The following TTC7B variants were observed in gnomAD, a reference collection of about 807,000 sequenced individuals.
The protein encoded by TTC7B is tetratricopeptide repeat domain 7B, also known as tetratricopeptide repeat protein 7B.
TTC7B carries 28 observed loss-of-function variants against 106.8 expected under a neutral mutation model. The observed-to-expected ratio is 0.26, with a 90% CI of 0.19 to 0.36. TTC7B has a LOEUF of 0.36. Ranked by LOEUF, TTC7B falls within the 10% of genes least tolerant of loss-of-function variation. The pLI is 1.00. For synonymous variants in TTC7B, 405 were observed against 430.6 expected (o/e 0.94, Z 0.74); for missense variants, 862 against 1,076.4 (o/e 0.80, Z 2.79).
rs147682702 is a variant in TTC7B, at chr14:90,755,859, G to C, written c.446-10937C>G. ...GTTTCAACTGACTGTTAGAAGGCTC[G>C]GCCCAGTGCCTGGCATGCAGTAAAT... On this transcript the variant is annotated intron_variant, in intron 3 of 19. Transcript: ENST00000328459. 1.9e-3 allele frequency among the ~76,000 whole-genome samples: 296 copies of C among 152,304 alleles called. 2 individuals carry two copies. The highest frequency in any genetic ancestry group is 6.8e-3 in the African/African-American group (281 of 41,562).
rs1891324961 is a variant in TTC7B, at chr14:90,577,976, G to A, written c.2310+130C>T. On this transcript the variant is annotated intron_variant, in intron 19 of 19. Transcript: ENST00000328459. The surrounding 1 kb of genome is among the most constrained non-coding windows in gnomAD (Gnocchi z 5.0). The stretch of plus-strand genomic sequence containing the variant: ...GGTGCCCTCTGGCTTCAGGCCATGT[G>A]ACAGCCTGGCAAGCTAACTGCATGG... The A allele has an allele frequency of 2.6e-6, 3 of 1,171,884 alleles. No individual in the cohort carries two copies. Among genetic ancestry groups the A allele is most frequent in the South Asian group, 1.5e-5 (1 of 68,008 alleles). 72.6% of individuals were successfully genotyped at this position (1,171,884 alleles called of 1,614,324 possible). A position where few individuals can be genotyped will look rare whatever the true frequency, so the allele number is the denominator to read the frequency against.
rs1163404228 is a variant in TTC7B at position 90,669,528 on chromosome 14, G to A, written c.1152+6995C>T. On this transcript the variant is annotated intron_variant, in intron 9 of 19. Coordinates refer to ENST00000328459, the MANE Select transcript of TTC7B (RefSeq NM_001010854.2). ...AGCCCAAGCTGATTTCTACAGTCTC[G>A]TCTCTACAAAAAAAAAAAAAAGCAG... Among the ~76,000 whole-genome samples, 8 of 143,906 alleles carry A rather than the reference G, an allele frequency of 5.6e-5. No homozygotes were observed. The East Asian group carries it at 8.0e-4, about 14-fold the overall frequency. The allele number at this position is 143,906 out of a possible 152,430, so 94.4% of individuals were successfully genotyped here. A position where few individuals can be genotyped will look rare whatever the true frequency, so the allele number is the denominator to read the frequency against.
At chr14:90,694,644 T>TATATTTATAACAC (rs1372831818) in intron 6 of TTC7B, among the ~76,000 whole-genome samples, 2 of 144,274 alleles carry the variant, frequency 1.4e-5, no homozygotes, top group African/African-American at 5.0e-5. Flanking sequence ...TTATAACACA[T>TATATTTATAACAC]ATGTCACATA....
intron 9 of TTC7B, among the ~76,000 whole-genome samples, chr14:90,668,839 T>C (rs1023367964): frequency 2.3e-4 from 34 of 148,016 alleles, no homozygotes; most frequent in Admixed American, 1.3e-4. Context: ...TTTTTTTTTT[T>C]TTTTTTTTTT....
At chr14:90,780,589 C>G in intron 3 of TTC7B, 149 bp downstream of exon 3, 2 of 843,368 alleles carry the variant, frequency 2.4e-6, no homozygotes, top group South Asian at 3.4e-5. Flanking sequence ...TTAGCATGAC[C>G]CAGCATGTGC....
Position 90,803,142 on chromosome 14 carries a change from C to CA in TTC7B, c.121+13032dup, listed in dbSNP as rs113209854. ...TGGGTGACAGAGCGAGACTCCGATGCAAAAAAAAAAAATATGAATGAGTTG... is the reference window on the plus strand; with the variant it reads ...TGGGTGACAGAGCGAGACTCCGATGCAAAAAAAAAAAAATATGAATGAGTTG... On this transcript the variant is annotated intron_variant, in intron 1 of 19. Coordinates refer to ENST00000328459, the MANE Select transcript of TTC7B (RefSeq NM_001010854.2). Among the ~76,000 whole-genome samples, 495 of 139,366 alleles carry CA rather than the reference C, an allele frequency of 3.6e-3. 15 individuals carry two copies. In the East Asian group the frequency reaches 0.075, roughly 21 times the overall value. The allele number at this position is 139,366 out of a possible 152,430, so 91.4% of individuals were successfully genotyped here.
intron 2 of TTC7B, among the ~76,000 whole-genome samples, 173 bp downstream of exon 2, chr14:90,786,001 G>A (rs1340561345): frequency 6.6e-6 from 1 of 152,184 alleles, no homozygotes; most frequent in Non-Finnish European, 1.5e-5. Context: ...ACAGTGGTCA[G>A]CCAGCCTAGA....
chr14:90,570,383 A>G lies in TTC7B; in HGVS notation c.2310+7723T>C, dbSNP rs550445257. On this transcript the variant is annotated intron_variant, in intron 19 of 19. Transcript: ENST00000328459. The surrounding 1 kb of genome is among the most constrained non-coding windows in gnomAD (Gnocchi z 4.0). ...CTCAAAGCCTCTGCACCAAGGCAGGAGCCCTGGCTGGAGAGAAACAGCTGG... is the reference window on the plus strand; with the variant it reads ...CTCAAAGCCTCTGCACCAAGGCAGGGGCCCTGGCTGGAGAGAAACAGCTGG... Among the ~76,000 whole-genome samples, 166 of 152,340 alleles carry G rather than the reference A, an allele frequency of 1.1e-3. 1 individual carries two copies. The highest frequency in any genetic ancestry group is 3.8e-3 in the African/African-American group (160 of 41,574).
rs1325700691 is a variant in TTC7B, at chr14:90,657,191, T to C, written c.1324A>G (p.Met442Val). 5 of 1,613,942 alleles carry C rather than the reference T, an allele frequency of 3.1e-6. No individual in the cohort carries two copies. The highest frequency in any genetic ancestry group is 1.3e-5 in the African/African-American group (1 of 74,942). The change falls in exon 11 of 20, where the codon ATG becomes GTG. Residue 442 changes from methionine (M) to valine (V), a missense_variant. By Grantham distance (21) the Met-to-Val change is conservative. Transcript: ENST00000328459. The surrounding 1 kb of genome is among the most constrained non-coding windows in gnomAD (Gnocchi z 4.2). The part of the protein sequence containing the change: ...TIPLLAAKLC[M>V]GSLHWLEEAE... ...CTACTCACCCAGTGCAGGGAGCCCATGCAGAGCTTGGCAGCGAGGAGAGGG... is the reference window on the plus strand; with the variant it reads ...CTACTCACCCAGTGCAGGGAGCCCACGCAGAGCTTGGCAGCGAGGAGAGGG...
At chr14:90,594,417 G>A (rs1296627247) in intron 17 of TTC7B, among the ~76,000 whole-genome samples, 2 of 152,100 alleles carry the variant, frequency 1.3e-5, no homozygotes, top group East Asian at 1.9e-4. Flanking sequence ...TTCTTTTCAC[G>A]TTGACCTCTC....
intron 18 of TTC7B, among the ~76,000 whole-genome samples, chr14:90,579,871 T>C (rs756764107): frequency 3.3e-5 from 5 of 152,248 alleles, no homozygotes; most frequent in Non-Finnish European, 7.3e-5. Context: ...TTGTGCACCT[T>C]ACCCTGTCAT....
At chr14:90,762,262 G>C (rs1343443630) in intron 3 of TTC7B, among the ~76,000 whole-genome samples, 1 of 152,226 alleles carries the variant, frequency 6.6e-6, no homozygotes, top group African/African-American at 2.4e-5. Context: ...CTGAGGCAGA[G>C]AGAAATACCC....
intron 3 of TTC7B, among the ~76,000 whole-genome samples, chr14:90,775,561 G>A (rs532143717): frequency 2.0e-5 from 3 of 151,778 alleles, no homozygotes; most frequent in East Asian, 1.9e-4. Context: ...TAAACCGCCC[G>A]ACATGGTGCT....
intron 1 of TTC7B, among the ~76,000 whole-genome samples, chr14:90,792,358 C>T (rs1891616374): frequency 6.6e-6 from 1 of 152,096 alleles, no homozygotes; most frequent in Admixed American, 6.6e-5. Flanking sequence ...AGGTGGATCG[C>T]TTGAGGTCAG....
intron 3 of TTC7B, among the ~76,000 whole-genome samples, chr14:90,765,371 A>C (rs540708534): frequency 3.2e-4 from 48 of 152,286 alleles, no homozygotes; most frequent in African/African-American, 1.1e-3. Flanking sequence ...GAGTAATAAA[A>C]ATTTTCTGAA....
At chr14:90,640,737 A>G (rs1885135819) in intron 15 of TTC7B, among the ~76,000 whole-genome samples, 1 of 152,244 alleles carries the variant, frequency 6.6e-6, no homozygotes, top group African/African-American at 2.4e-5. Context: ...ATTACCAGGT[A>G]CAATGCCTCA....
At chr14:90,688,621 C>CAAA (rs57020065) in intron 7 of TTC7B, among the ~76,000 whole-genome samples, 33 of 54,490 alleles carry the variant, frequency 6.1e-4, no homozygotes, top group African/African-American at 1.9e-3. Flanking sequence ...GGCTCTGTCT[C>CAAA]AAAAAAAAAA....
chr14:90,546,205 C>T (rs1253491434), intron 19 of TTC7B, among the ~76,000 whole-genome samples: 1 of 152,226 alleles, frequency 6.6e-6, no homozygotes, highest in African/African-American at 2.4e-5. Context: ...GGGCAGGGAC[C>T]TGGCTGTGTC....
intron 17 of TTC7B, among the ~76,000 whole-genome samples, chr14:90,599,715 G>A (rs79858425): frequency 0.019 from 2,940 of 152,348 alleles, 40 homozygotes; most frequent in Non-Finnish European, 0.027. Flanking sequence ...CACTGCAGTC[G>A]TGGGCATGCA....
Sources: gnomAD v4.1 joint callset for allele counts (sites outside exome capture counted in the v4.1 genomes callset) on GRCh38, gnomAD v4.1.1 for gene constraint, Gnocchi (gnomAD v3.1) non-coding constraint, MANE v1.5 for transcripts, NCBI Gene and HGNC (gene_info 2026-07-23, HGNC 2026-07-21) for gene names.